DLGAP2: variants seen among roughly 807,000 people sequenced by gnomAD.
DLGAP2 encodes the protein disks large-associated protein 2.
A neutral mutation model predicts 100.3 loss-of-function variants in DLGAP2; 26 were observed. That is an observed-to-expected ratio of 0.26 (90% confidence interval 0.19 to 0.36). DLGAP2 has a LOEUF of 0.36. Among genes scored for constraint, DLGAP2 ranks in the 10% least tolerant of loss-of-function variants. The pLI, the probability that DLGAP2 is intolerant of heterozygous loss-of-function variation, is 1.00. For synonymous variants in DLGAP2, 886 were observed against 630.1 expected (o/e 1.41, Z -6.08); for missense variants, 1,858 against 1,453.2 (o/e 1.28, Z -4.53).
chr8:1,376,996 C>T (rs374677264), intron 3 of DLGAP2, among the ~76,000 whole-genome samples: 10 of 152,142 alleles, frequency 6.6e-5, no homozygotes, highest in African/African-American at 2.2e-4. Flanking sequence ...GCATCAGGGA[C>T]CACATGCTTC....
intron 1 of DLGAP2, among the ~76,000 whole-genome samples, chr8:907,645 C>T (rs957496895): frequency 1.3e-5 from 2 of 152,124 alleles, no homozygotes; most frequent in African/African-American, 4.8e-5. Flanking sequence ...CCCTGATGGC[C>T]CATTAGGGGC....
intron 2 of DLGAP2, among the ~76,000 whole-genome samples, chr8:1,205,876 A>G (rs1362707328): frequency 6.6e-6 from 1 of 152,164 alleles, no homozygotes; most frequent in Non-Finnish European, 1.5e-5. Context: ...AGGGCAGCCA[A>G]GTGCAGTGGC....
intron 2 of DLGAP2, among the ~76,000 whole-genome samples, chr8:994,639 C>T (rs1800735765): frequency 6.6e-6 from 1 of 152,150 alleles, no homozygotes; most frequent in Non-Finnish European, 1.5e-5. Flanking sequence ...ATGGATGCAT[C>T]CTTGCCTTTT....
At chr8:1,120,911 C>T (rs1010127352) in intron 2 of DLGAP2, among the ~76,000 whole-genome samples, 1 of 151,676 alleles carries the variant, frequency 6.6e-6, no homozygotes, top group African/African-American at 2.4e-5. Context: ...ACCTCCCATC[C>T]TCATCCAGTT....
At chr8:1,084,333 A>G (rs936531355) in intron 2 of DLGAP2, among the ~76,000 whole-genome samples, 2 of 152,268 alleles carry the variant, frequency 1.3e-5, no homozygotes, top group Non-Finnish European at 2.9e-5. Context: ...CCAGCATAGA[A>G]CAATTAAGCT....
chr8:1,073,727 C>A (rs1803504534), intron 2 of DLGAP2, among the ~76,000 whole-genome samples: 2 of 152,218 alleles, frequency 1.3e-5, no homozygotes, highest in Non-Finnish European at 2.9e-5. Flanking sequence ...ACAAACATTT[C>A]CCATGCACGG....
intron 1 of DLGAP2, among the ~76,000 whole-genome samples, chr8:862,297 C>CA (rs1452003760): frequency 1.3e-5 from 2 of 149,628 alleles, no homozygotes; most frequent in Non-Finnish European, 3.0e-5. Flanking sequence ...GATTGGACTC[C>CA]AGTTTTTTTT....
At chr8:1,353,054 T>C (rs1051958950) in intron 3 of DLGAP2, among the ~76,000 whole-genome samples, 1 of 152,226 alleles carries the variant, frequency 6.6e-6, no homozygotes, top group African/African-American at 2.4e-5. Context: ...TGAACTGGCA[T>C]GAGCTGCCTT....
chr8:1,480,483 G>A (rs763627178), intron 3 of DLGAP2, among the ~76,000 whole-genome samples: 31 of 152,268 alleles, frequency 2.0e-4, no homozygotes, highest in South Asian at 1.2e-3. Flanking sequence ...GCAAACGCAC[G>A]GCTGGCTGAG....
At chr8:917,580 A>G (rs1798621416) in intron 2 of DLGAP2, among the ~76,000 whole-genome samples, 1 of 151,148 alleles carries the variant, frequency 6.6e-6, no homozygotes, top group African/African-American at 2.4e-5. Flanking sequence ...GCGTCTCCAG[A>G]ATATTCTTTT....
intron 4 of DLGAP2, among the ~76,000 whole-genome samples, chr8:1,528,728 A>C (rs1800880804): frequency 6.6e-6 from 1 of 152,158 alleles, no homozygotes; most frequent in South Asian, 2.1e-4. Context: ...CCCTGGCAGT[A>C]AGGAGCCTGG....
chr8:1,658,764 A>T (rs984014194), intron 8 of DLGAP2, among the ~76,000 whole-genome samples: 1 of 152,052 alleles, frequency 6.6e-6, no homozygotes, highest in Non-Finnish European at 1.5e-5. Flanking sequence ...CTACCGGTCC[A>T]TGTATTTTGT....
intron 2 of DLGAP2, among the ~76,000 whole-genome samples, chr8:1,197,094 G>A (rs763977553): frequency 6.6e-6 from 1 of 152,038 alleles, no homozygotes; most frequent in Non-Finnish European, 1.5e-5. Context: ...CCACCTTTTT[G>A]TTCTTCCTGG....
At chr8:1,683,755 G>A (rs1405737050) in intron 12 of DLGAP2, among the ~76,000 whole-genome samples, 1 of 144,886 alleles carries the variant, frequency 6.9e-6, no homozygotes, top group Non-Finnish European at 1.5e-5. Context: ...CTCAGTTATG[G>A]AGGCTGGGAG....
chr8:979,202 C>G (rs1563125550), intron 2 of DLGAP2, among the ~76,000 whole-genome samples: 1 of 152,174 alleles, frequency 6.6e-6, no homozygotes, highest in Non-Finnish European at 1.5e-5. Flanking sequence ...AACATAATGG[C>G]ACCTAACATC....
intron 1 of DLGAP2, among the ~76,000 whole-genome samples, chr8:889,412 G>C: frequency 6.6e-6 from 1 of 152,162 alleles, no homozygotes; most frequent in South Asian, 2.1e-4. Flanking sequence ...TAAGTCTGCT[G>C]GTCCAGAGAC....
chr8:1,209,333 C>T (rs1043439281), intron 2 of DLGAP2, among the ~76,000 whole-genome samples: 18 of 152,162 alleles, frequency 1.2e-4, no homozygotes, highest in Non-Finnish European at 2.4e-4. Flanking sequence ...AATAGAGGAC[C>T]CAGAAATAGA....
At chr8:1,148,133 A>G (rs1796637845) in intron 2 of DLGAP2, among the ~76,000 whole-genome samples, 2 of 152,170 alleles carry the variant, frequency 1.3e-5, no homozygotes, top group African/African-American at 4.8e-5. Flanking sequence ...CAGATTTGAT[A>G]TCTTTTCTAG....
At chr8:1,602,770 T>C (rs1796669420) in intron 6 of DLGAP2, among the ~76,000 whole-genome samples, 1 of 152,318 alleles carries the variant, frequency 6.6e-6, no homozygotes, top group African/African-American at 2.4e-5. Flanking sequence ...CTCCAGATGC[T>C]CCCCAATGTC....
Sources: allele counts gnomAD v4.1 joint callset (sites outside exome capture counted in the v4.1 genomes callset), GRCh38; gene constraint gnomAD v4.1.1; transcripts MANE v1.5; gene names NCBI Gene and HGNC (gene_info 2026-07-23, HGNC 2026-07-21).